NCL: variants seen among roughly 807,000 people sequenced by gnomAD.
NCL encodes the protein nucleolin multifunctional protein.
NCL carries 4 observed loss-of-function variants against 77.7 expected under a neutral mutation model. The ratio of observed to expected loss-of-function variants is 0.05; its 90% CI spans 0.03 to 0.12. NCL has a LOEUF of 0.12. Among genes scored for constraint, NCL ranks in the 10% least tolerant of loss-of-function variants. The pLI, the probability that NCL is intolerant of heterozygous loss-of-function variation, is 1.00. For missense variants in NCL, 763 were observed against 860.9 expected, an observed-to-expected ratio of 0.89 and a Z score of 1.42; for synonymous variants, 344 against 297.8, an observed-to-expected ratio of 1.16 and a Z score of -1.60.
At position 231,464,385 on chromosome 2, in the gene NCL, C is replaced by G; in HGVS notation, c.-32G>C. 1 of 1,598,022 alleles carries G rather than the reference C, an allele frequency of 6.3e-7. No individual in the cohort carries two copies. Among genetic ancestry groups the G allele is most frequent in the Non-Finnish European group, 8.5e-7 (1 of 1,172,042 alleles). On this transcript the variant is annotated 5_prime_UTR_variant, in exon 1 of 14. Transcript: ENST00000322723. The stretch of plus-strand genomic sequence containing the variant: ...GGCGGAGTGTGAAGCGGACAAGTGG[C>G]GCAGATGAGTCCAGAAGAAGCCAAG...
intron 11 of NCL, 71 bp from the exon 12 acceptor site, chr2:231,456,207 G>T: frequency 6.3e-7 from 1 of 1,578,284 alleles, no homozygotes. Flanking sequence ...ACAATGCCTA[G>T]TATGACTACT....
intron 1 of NCL, 48 bp downstream of exon 1, chr2:231,464,288 C>T (rs1389813015): frequency 6.4e-7 from 1 of 1,556,398 alleles, no homozygotes; most frequent in South Asian, 1.2e-5. Flanking sequence ...GCGCTCGCCC[C>T]TCGGAAAGCA....
chr2:231,463,066 T>C (rs1222304907), intron 2 of NCL, 134 bp downstream of exon 2: 2 of 677,914 alleles, frequency 3.0e-6, no homozygotes, highest in Middle Eastern at 4.2e-4. Context: ...AATGAAGAGC[T>C]TGTGAAACAC....
At position 231,455,597 on chromosome 2, in the gene NCL, C is replaced by T; in HGVS notation, c.1860G>A (p.Glu620=). The T allele has an allele frequency of 8.7e-6, 14 of 1,614,134 alleles. No individual in the cohort carries two copies. The highest frequency in any genetic ancestry group is 1.2e-5 in the Non-Finnish European group (14 of 1,180,034). Residue 620 remains glutamate (E), a synonymous_variant, in exon 13 of 14, where the codon GAG becomes GAA. Coordinates refer to ENST00000322723, the MANE Select transcript of NCL (RefSeq NM_005381.3). The part of the protein sequence containing the change: ...KGFGFVDFNS[E]EDAKAAKEAM... ...CCTCCTTGGCAGCTTTGGCATCCTC[C>T]TCACTGTTGAAGTCTACAAAACCAA...
intron 7 of NCL, 187 bp downstream of exon 7, chr2:231,458,814 C>G: frequency 1.7e-6 from 1 of 596,612 alleles, no homozygotes; most frequent in African/African-American, 1.9e-5. Context: ...TACACTATAA[C>G]ACTGACAAGC....
chr2:231,463,367 C>A (rs755336905), intron 1 of NCL, 51 bp from the exon 2 acceptor site: 1 of 1,249,508 alleles, frequency 8.0e-7, no homozygotes, highest in African/African-American at 1.5e-5. Context: ...CATTTCAGGC[C>A]ATTCATATTT....
intron 9 of NCL, 108 bp from the exon 10 acceptor site, chr2:231,457,232 C>CAAAT: frequency 1.4e-6 from 2 of 1,455,116 alleles, no homozygotes; most frequent in Non-Finnish European, 1.9e-6. Flanking sequence ...AGTTAATATA[C>CAAAT]AAATACTCAT....
In NCL at chr2:231,459,347, G is replaced by A. The variant is rs370873292; in HGVS notation, c.1041-222C>T. Among the ~76,000 whole-genome samples the A allele has an allele frequency of 1.6e-4, 24 of 152,266 alleles. No homozygotes were observed. In the East Asian group the frequency reaches 4.1e-3, roughly 26 times the overall value. Reference sequence around the variant, plus strand: ...CATTCACGTTTGAGGTCTTCATCATGGAGCTAAATTGCTTATAAGAATTCA... The same window carrying A: ...CATTCACGTTTGAGGTCTTCATCATAGAGCTAAATTGCTTATAAGAATTCA... On this transcript the variant is annotated intron_variant, in intron 6 of 13. Transcript: ENST00000322723.
intron 8 of NCL, 131 bp downstream of exon 8, chr2:231,458,135 T>C: frequency 8.1e-7 from 1 of 1,241,162 alleles, no homozygotes; most frequent in Non-Finnish European, 1.1e-6. Flanking sequence ...GATGGGTTAC[T>C]GAGGCACAAA....
At chr2:231,462,077 T>A (rs376352376) in intron 2 of NCL, 60 bp from the exon 3 acceptor site, 2 of 1,584,638 alleles carry the variant, frequency 1.3e-6, no homozygotes, top group Admixed American at 3.3e-5. Context: ...AAGATAACCA[T>A]GGTCCCAATG....
At chr2:231,456,297 C>T in intron 11 of NCL, 161 bp from the exon 12 acceptor site, 1 of 960,180 alleles carries the variant, frequency 1.0e-6, no homozygotes, top group South Asian at 1.6e-5. Context: ...AAAGGCTATT[C>T]TGGGTTTACA....
At position 231,464,375 on chromosome 2, in the gene NCL, G is replaced by T. The variant is rs766878017; in HGVS notation, c.-22C>A. The T allele has an allele frequency of 6.3e-7, 1 of 1,599,906 alleles. No individual in the cohort carries two copies. The highest frequency in any genetic ancestry group is 1.1e-5 in the South Asian group (1 of 88,902). Reference sequence around the variant, plus strand: ...CCATGATGGCGGCGGAGTGTGAAGCGGACAAGTGGCGCAGATGAGTCCAGA... The same window carrying T: ...CCATGATGGCGGCGGAGTGTGAAGCTGACAAGTGGCGCAGATGAGTCCAGA... On this transcript the variant is annotated 5_prime_UTR_variant, in exon 1 of 14. Coordinates refer to ENST00000322723, the MANE Select transcript of NCL (RefSeq NM_005381.3).
intron 1 of NCL, chr2:231,464,073 C>A: frequency 7.5e-7 from 1 of 1,331,628 alleles, no homozygotes; most frequent in Non-Finnish European, 9.7e-7. Flanking sequence ...TCTCTCCACC[C>A]CGAGGCCCAG....
At chr2:231,455,306 A>G (rs1386564907) in intron 13 of NCL, 39 bp from the exon 14 acceptor site, 2 of 1,613,866 alleles carry the variant, frequency 1.2e-6, no homozygotes, top group Non-Finnish European at 1.7e-6. Flanking sequence ...AAGAATGGGT[A>G]CAAAGCTCCT....
intron 8 of NCL, 55 bp downstream of exon 8, chr2:231,458,211 C>CAGGAAAGTGCATTAATGTTA: frequency 6.3e-7 from 1 of 1,578,684 alleles, no homozygotes; most frequent in Admixed American, 1.9e-5. Context: ...TTTTATAAAG[C>CAGGAAAGTGCATTAATGTTA]AGGAAAGTGC....
chr2:231,455,927 A>T (rs1005321165), intron 12 of NCL, 83 bp downstream of exon 12: 1 of 1,602,166 alleles, frequency 6.2e-7, no homozygotes, highest in Admixed American at 1.7e-5. Context: ...AAGGAGCTCA[A>T]TGAGAAGACA....
intron 2 of NCL, 127 bp downstream of exon 2, chr2:231,463,073 A>G (rs1048287460): frequency 4.3e-6 from 3 of 699,422 alleles, no homozygotes; most frequent in Non-Finnish European, 7.3e-6. Flanking sequence ...AGCTTGTGAA[A>G]CACTCAACCA....
chr2:231,456,838 G>A (rs962283331), intron 10 of NCL, 74 bp from the exon 11 acceptor site: 4 of 1,584,994 alleles, frequency 2.5e-6, no homozygotes, highest in Admixed American at 3.6e-5. Context: ...ATGCTGCCAA[G>A]CCCCTTCTCT....
chr2:231,464,162 C>A, intron 1 of NCL, 174 bp downstream of exon 1: 3 of 1,420,014 alleles, frequency 2.1e-6, no homozygotes, highest in Non-Finnish European at 2.8e-6. Flanking sequence ...CTCTTCACCT[C>A]GCCACCAAGT....
Sources: gnomAD v4.1 joint callset for allele counts (sites outside exome capture counted in the v4.1 genomes callset) on GRCh38, gnomAD v4.1.1 for gene constraint, MANE v1.5 for transcripts, NCBI Gene and HGNC (gene_info 2026-07-23, HGNC 2026-07-21) for gene names.